KCNS3: variants seen among roughly 807,000 people sequenced by gnomAD.
KCNS3 encodes the protein potassium voltage-gated channel modifier subfamily S member 3.
KCNS3 carries 13 observed loss-of-function variants against 31.0 expected under a neutral mutation model. The observed-to-expected ratio is 0.42, with a 90% CI of 0.27 to 0.67. The LOEUF is 0.67. KCNS3 is among the 30% of genes least tolerant of loss of function. The probability of loss-of-function intolerance (pLI) is 0.25; values close to 1 mark genes in which losing one functional copy is unlikely to be tolerated. For synonymous variants in KCNS3, 238 were observed against 241.5 expected (o/e 0.99, Z 0.13); for missense variants, 545 against 622.4 (o/e 0.88, Z 1.32).
At position 17,931,434 on chromosome 2, in the gene KCNS3, C is replaced by G; in HGVS notation, c.426C>G (p.Thr142=). The change falls in exon 3 of 3, where the codon ACC becomes ACG. Residue 142 remains threonine (T), a synonymous_variant. Coordinates refer to ENST00000304101, the MANE Select transcript of KCNS3 (RefSeq NM_002252.5). The surrounding 1 kb of genome is among the most constrained non-coding windows in gnomAD (Gnocchi z 5.4). The stretch of plus-strand genomic sequence containing the variant: ...ACCAGAAAAGCCATGATGTGAGTAC[C>G]GACTCCTCGTTTGAAGAGTCGTCTC... ...DWDQKSHDVS[T]DSSFEESSLF... is the part of the protein sequence containing the mutation. The G allele has an allele frequency of 6.2e-7, 1 of 1,614,086 alleles. No individual in the cohort carries two copies. The highest frequency in any genetic ancestry group is 8.5e-7 in the Non-Finnish European group (1 of 1,180,026).
intron 1 of KCNS3, among the ~76,000 whole-genome samples, chr2:17,893,518 T>C (rs1661909500): frequency 6.6e-6 from 1 of 152,244 alleles, no homozygotes; most frequent in Non-Finnish European, 1.5e-5. Context: ...CCCCTGCATC[T>C]CTGGGCACCC....
chr2:17,886,121 C>A (rs1485456318), intron 1 of KCNS3, among the ~76,000 whole-genome samples: 1 of 152,164 alleles, frequency 6.6e-6, no homozygotes, highest in African/African-American at 2.4e-5. Flanking sequence ...TTTAGGAATG[C>A]TGGCTTAAAT....
intron 2 of KCNS3, among the ~76,000 whole-genome samples, chr2:17,924,537 T>C (rs752558070): frequency 2.0e-5 from 3 of 152,172 alleles, no homozygotes; most frequent in Non-Finnish European, 4.4e-5. Flanking sequence ...TGTTCTATTC[T>C]TAGTTTTTGA....
intron 1 of KCNS3, among the ~76,000 whole-genome samples, chr2:17,888,645 A>ATC (rs1661759562): frequency 1.1e-4 from 13 of 123,740 alleles, no homozygotes; most frequent in Admixed American, 8.5e-4. Flanking sequence ...ATATATATAT[A>ATC]TATATATATA....
chr2:17,928,943 G>A (rs1028303437), intron 2 of KCNS3, among the ~76,000 whole-genome samples: 2 of 152,048 alleles, frequency 1.3e-5, no homozygotes, highest in Admixed American at 6.6e-5. Context: ...CACTGTGTGT[G>A]TCCATGTCCT....
chr2:17,932,638 AT>A lies in KCNS3; in HGVS notation c.*156del. The A allele has an allele frequency of 2.7e-6, 2 of 754,666 alleles. No homozygotes were observed. Among genetic ancestry groups the A allele is most frequent in the Non-Finnish European group, 4.2e-6 (2 of 479,080 alleles). The allele number at this position is 754,666 out of a possible 1,614,324, so 46.7% of individuals were successfully genotyped here. On this transcript the variant is annotated 3_prime_UTR_variant, in exon 3 of 3. Transcript: ENST00000304101. ...CATTGCTGAATTCTGAAATGATAGAATTGTCTTTATTTTTCTCTGTGAGGTC... is the reference window on the plus strand; with the variant it reads ...CATTGCTGAATTCTGAAATGATAGAATGTCTTTATTTTTCTCTGTGAGGTC...
chr2:17,877,894 C>G (rs1674542254), upstream of KCNS3: 1 of 152,254 alleles, frequency 6.6e-6, no homozygotes, highest in South Asian at 2.1e-4. Flanking sequence ...CTGTCCTCGC[C>G]GAGGTCCTGG....
intron 1 of KCNS3, among the ~76,000 whole-genome samples, chr2:17,903,857 T>C (rs1662247680): frequency 6.6e-6 from 1 of 152,226 alleles, no homozygotes. Context: ...CAGTCTATCA[T>C]TGATGGACAT....
intron 2 of KCNS3, among the ~76,000 whole-genome samples, chr2:17,926,664 G>A (rs964048118): frequency 1.7e-4 from 26 of 152,248 alleles, no homozygotes; most frequent in African/African-American, 6.3e-4. Flanking sequence ...GCCATGACTG[G>A]AGCTGAAATG....
chr2:17,913,204 GTTA>G (rs2125246601), intron 1 of KCNS3, among the ~76,000 whole-genome samples: 1 of 152,260 alleles, frequency 6.6e-6, no homozygotes, highest in East Asian at 1.9e-4. Context: ...TTCACCTTTT[GTTA>G]TTATTCATAT....
Position 17,932,817 on chromosome 2 carries a change from T to C in KCNS3, c.*333T>C, listed in dbSNP as rs1572508211. 2 of 208,170 alleles carry C rather than the reference T, an allele frequency of 9.6e-6. No homozygotes were observed. Among genetic ancestry groups the C allele is most frequent in the African/African-American group, 4.7e-5 (2 of 42,630 alleles). 12.9% of individuals were successfully genotyped at this position (208,170 alleles called of 1,614,324 possible). ...TACTCACATTGAGCTAACTTTAAAT[T>C]ACTGACAAGTAGAATCAAAGGTGCA... is the stretch of plus-strand genomic sequence containing the variant. On this transcript the variant is annotated 3_prime_UTR_variant, in exon 3 of 3. Transcript: ENST00000304101.
intron 1 of KCNS3, among the ~76,000 whole-genome samples, chr2:17,880,623 C>T (rs1674622770): frequency 6.6e-6 from 1 of 152,150 alleles, no homozygotes; most frequent in South Asian, 2.1e-4. Flanking sequence ...TGAATAGAGC[C>T]ATTGATGAAT....
chr2:17,907,413 A>G (rs995894113), intron 1 of KCNS3, among the ~76,000 whole-genome samples: 18 of 152,306 alleles, frequency 1.2e-4, no homozygotes, highest in Admixed American at 8.5e-4. Context: ...CTCTTTGTCC[A>G]ATTTGCCAGT....
chr2:17,890,631 T>C (rs934290398), intron 1 of KCNS3, among the ~76,000 whole-genome samples: 40 of 152,304 alleles, frequency 2.6e-4, no homozygotes, highest in African/African-American at 9.6e-4. Context: ...TGTGTCATCA[T>C]TGTCATTCAG....
chr2:17,890,400 T>G (rs1005043335), intron 1 of KCNS3, among the ~76,000 whole-genome samples: 3 of 4,836 alleles, frequency 6.2e-4, no homozygotes, highest in Non-Finnish European at 2.4e-3. Flanking sequence ...ATCTTTTGTA[T>G]TTTTTTTTTT....
chr2:17,903,696 G>C (rs1445018654), intron 1 of KCNS3, among the ~76,000 whole-genome samples: 2 of 151,572 alleles, frequency 1.3e-5, no homozygotes, highest in Non-Finnish European at 2.9e-5. Context: ...CTATGAGTGA[G>C]AACATGCGGT....
At chr2:17,929,421 C>T (rs551020170) in intron 2 of KCNS3, among the ~76,000 whole-genome samples, 4 of 152,252 alleles carry the variant, frequency 2.6e-5, no homozygotes, top group South Asian at 2.1e-4. Flanking sequence ...AGATGCTACA[C>T]GCTTTGAAAG....
intron 1 of KCNS3, among the ~76,000 whole-genome samples, chr2:17,909,047 G>A (rs1249102061): frequency 3.9e-5 from 6 of 152,054 alleles, no homozygotes; most frequent in African/African-American, 9.7e-5. Flanking sequence ...GGCTATGCCC[G>A]CCCCAGAGGT....
At chr2:17,878,345 G>A (rs1430803176), upstream of KCNS3, among the ~76,000 whole-genome samples, 3 of 152,196 alleles carry the variant, frequency 2.0e-5, no homozygotes, top group South Asian at 4.1e-4. Context: ...GGTGGGAGGC[G>A]CGGGGCGCGC....
Sources: allele counts gnomAD v4.1 joint callset (sites outside exome capture counted in the v4.1 genomes callset), GRCh38; gene constraint gnomAD v4.1.1; non-coding constraint Gnocchi (gnomAD v3.1); transcripts MANE v1.5; gene names NCBI Gene and HGNC (gene_info 2026-07-23, HGNC 2026-07-21).